The following LRRTM4 variants were observed in gnomAD, a reference collection of about 807,000 sequenced individuals.
The protein encoded by LRRTM4 is leucine rich repeat transmembrane neuronal 4.
In LRRTM4, 25 loss-of-function variants were observed where a neutral mutation model predicts 47.6. The observed-to-expected ratio is 0.53, with a 90% confidence interval of 0.38 to 0.73. The LOEUF is 0.73. Ranked by LOEUF, LRRTM4 falls within the 30% of genes least tolerant of loss-of-function variation. The pLI is 0.00. For missense variants in LRRTM4, 638 were observed against 713.4 expected, an observed-to-expected ratio of 0.89 and a Z score of 1.20; for synonymous variants, 311 against 269.5, an observed-to-expected ratio of 1.15 and a Z score of -1.51.
intron 3 of LRRTM4, among the ~76,000 whole-genome samples, chr2:77,318,062 A>G (rs906552661): frequency 7.0e-5 from 9 of 127,938 alleles, no homozygotes; most frequent in Non-Finnish European, 6.1e-5. Flanking sequence ...GCTGGAGTGC[A>G]GTGGCGCGAT....
chr2:77,382,220 G>C (rs1673081838), intron 3 of LRRTM4, among the ~76,000 whole-genome samples: 1 of 152,000 alleles, frequency 6.6e-6, no homozygotes, highest in Non-Finnish European at 1.5e-5. Flanking sequence ...GTAAAGCATT[G>C]TTTACCGTGT....
intron 3 of LRRTM4, among the ~76,000 whole-genome samples, chr2:77,496,446 T>C (rs1305036024): frequency 6.6e-6 from 1 of 151,880 alleles, no homozygotes; most frequent in Non-Finnish European, 1.5e-5. Context: ...TTGTGTATGA[T>C]GTTAGTAATC....
intron 3 of LRRTM4, among the ~76,000 whole-genome samples, chr2:77,299,398 C>A (rs778035627): frequency 6.6e-6 from 1 of 150,666 alleles, no homozygotes; most frequent in African/African-American, 2.4e-5. Flanking sequence ...TGTATATATA[C>A]GTATATATAC....
At position 77,056,190 on chromosome 2, in the gene LRRTM4, T is replaced by TAAC. The variant is rs1391601795; in HGVS notation, c.1552-307275_1552-307274insGTT. ...ATGTACCCTAAAACTTAAAGTATAATAATAAAAAGCTAATGTGAGAATAAT... is the reference window on the plus strand; with the variant it reads ...ATGTACCCTAAAACTTAAAGTATAATAACAATAAAAAGCTAATGTGAGAATAAT... On this transcript the variant is annotated intron_variant, in intron 3 of 3. Coordinates refer to ENST00000409884, the MANE Select transcript of LRRTM4 (RefSeq NM_001134745.3). 7.9e-5 allele frequency among the ~76,000 whole-genome samples: 12 copies of TAAC among 151,050 alleles called. No homozygotes were observed. The East Asian group carries it at 2.1e-3, about 27-fold the overall frequency.
intron 3 of LRRTM4, among the ~76,000 whole-genome samples, chr2:76,860,666 C>T (rs1672287077): frequency 6.6e-6 from 1 of 151,984 alleles, no homozygotes; most frequent in Non-Finnish European, 1.5e-5. Context: ...TCTGTTTGCA[C>T]TTCTTAATTC....
chr2:77,042,119 T>A (rs148948539), intron 3 of LRRTM4, among the ~76,000 whole-genome samples: 6 of 151,506 alleles, frequency 4.0e-5, no homozygotes, highest in African/African-American at 1.5e-4. Flanking sequence ...ATAAGGCCTA[T>A]GGTTTTAGAT....
chr2:76,796,280 A>C (rs1393669185), intron 3 of LRRTM4, among the ~76,000 whole-genome samples: 2 of 73,622 alleles, frequency 2.7e-5, no homozygotes, highest in Admixed American at 1.5e-4. Flanking sequence ...AGGTAAACAA[A>C]GCAGCCAGGA....
intron 3 of LRRTM4, among the ~76,000 whole-genome samples, chr2:77,055,801 C>A (rs1395521528): frequency 2.0e-5 from 3 of 151,604 alleles, no homozygotes; most frequent in Admixed American, 1.3e-4. Flanking sequence ...AAATGTCCAA[C>A]AATGATAGAT....
chr2:77,163,163 G>A (rs773905778), intron 3 of LRRTM4, among the ~76,000 whole-genome samples: 14 of 152,044 alleles, frequency 9.2e-5, no homozygotes, highest in Non-Finnish European at 1.5e-4. Context: ...ACCATGGCAC[G>A]AGAACTATGT....
At chr2:77,295,685 C>G (rs886543068) in intron 3 of LRRTM4, among the ~76,000 whole-genome samples, 1 of 152,226 alleles carries the variant, frequency 6.6e-6, no homozygotes, top group East Asian at 1.9e-4. Context: ...CTAGCCCAGG[C>G]CTCTCCCAGG....
intron 3 of LRRTM4, among the ~76,000 whole-genome samples, chr2:76,953,473 C>T (rs1195511100): frequency 1.3e-5 from 2 of 151,838 alleles, no homozygotes; most frequent in African/African-American, 2.4e-5. Context: ...GGAAAACACA[C>T]GCGCACACAC....
At chr2:77,450,776 A>G (rs1357342592) in intron 3 of LRRTM4, among the ~76,000 whole-genome samples, 1 of 152,154 alleles carries the variant, frequency 6.6e-6, no homozygotes, top group African/African-American at 2.4e-5. Flanking sequence ...CTAGCCAATT[A>G]TAATATTCTA....
intron 3 of LRRTM4, among the ~76,000 whole-genome samples, chr2:77,455,202 T>C (rs1676477024): frequency 6.6e-6 from 1 of 152,214 alleles, no homozygotes; most frequent in African/African-American, 2.4e-5. Context: ...TAAATAAATG[T>C]CCCATTTTTA....
At chr2:77,363,746 A>G (rs1672328992) in intron 3 of LRRTM4, among the ~76,000 whole-genome samples, 1 of 152,232 alleles carries the variant, frequency 6.6e-6, no homozygotes, top group Non-Finnish European at 1.5e-5. Flanking sequence ...TTGATTCCCT[A>G]TGTGAAGACC....
chr2:77,421,768 C>T (rs1390022615), intron 3 of LRRTM4, among the ~76,000 whole-genome samples: 1 of 151,904 alleles, frequency 6.6e-6, no homozygotes, highest in Non-Finnish European at 1.5e-5. Flanking sequence ...AGAACAACTC[C>T]TCATAACAAA....
At chr2:76,814,369 A>C (rs545734039) in intron 3 of LRRTM4, among the ~76,000 whole-genome samples, 81 of 151,228 alleles carry the variant, frequency 5.4e-4, no homozygotes, top group African/African-American at 1.9e-3. Context: ...GCTAAGGTTA[A>C]TTTATTATTG....
At chr2:76,798,114 C>T (rs1372939245) in intron 3 of LRRTM4, among the ~76,000 whole-genome samples, 1 of 151,988 alleles carries the variant, frequency 6.6e-6, no homozygotes, top group African/African-American at 2.4e-5. Flanking sequence ...TAGACATCTA[C>T]TGAACTCTCC....
intron 3 of LRRTM4, among the ~76,000 whole-genome samples, chr2:76,995,477 T>C (rs952892903): frequency 5.3e-5 from 8 of 151,898 alleles, no homozygotes; most frequent in African/African-American, 1.9e-4. Context: ...CCCACAGCAA[T>C]AAATGAAGCC....
intron 3 of LRRTM4, among the ~76,000 whole-genome samples, chr2:77,043,598 GAGTT>G (rs1679112820): frequency 6.6e-6 from 1 of 151,764 alleles, no homozygotes; most frequent in Non-Finnish European, 1.5e-5. Flanking sequence ...GAGAGAGAAA[GAGTT>G]AAGCAAGTGC....
Sources: allele counts gnomAD v4.1 joint callset (sites outside exome capture counted in the v4.1 genomes callset), GRCh38; gene constraint gnomAD v4.1.1; transcripts MANE v1.5; gene names NCBI Gene and HGNC (gene_info 2026-07-23, HGNC 2026-07-21).